The following CALD1 variants were observed in gnomAD, a reference collection of about 807,000 sequenced individuals.
CALD1 encodes the protein caldesmon.
A neutral mutation model predicts 99.9 loss-of-function variants in CALD1; 33 were observed. The observed-to-expected ratio is 0.33, with a 90% CI of 0.25 to 0.44. CALD1 has a LOEUF of 0.44. Among genes scored for constraint, CALD1 ranks in the 20% least tolerant of loss-of-function variants. CALD1 has a pLI of 1.00. For missense variants in CALD1, 861 were observed against 962.1 expected (o/e 0.89, Z 1.39); for synonymous variants, 310 against 325.0 (o/e 0.95, Z 0.50).
intron 4 of CALD1, 33 bp downstream of exon 4, chr7:134,928,933 C>A: frequency 6.3e-7 from 1 of 1,578,052 alleles, no homozygotes; most frequent in Non-Finnish European, 8.6e-7. Flanking sequence ...GAGTTTCTAA[C>A]TTGCGTCTTA....
intron 1 of CALD1, among the ~76,000 whole-genome samples, chr7:134,781,934 C>T (rs1797121142): frequency 6.6e-6 from 1 of 152,204 alleles, no homozygotes; most frequent in Admixed American, 6.5e-5. Context: ...GAATCATTAA[C>T]AATTCTAATT....
At chr7:134,945,430 T>C (rs560091210) in intron 7 of CALD1, among the ~76,000 whole-genome samples, 22 of 152,354 alleles carry the variant, frequency 1.4e-4, no homozygotes, top group Admixed American at 1.3e-3. Flanking sequence ...ACAAAACGTA[T>C]TTAATTTCAG....
chr7:134,813,590 G>A (rs1798443450), intron 1 of CALD1, among the ~76,000 whole-genome samples: 1 of 152,184 alleles, frequency 6.6e-6, no homozygotes, highest in African/African-American at 2.4e-5. Flanking sequence ...GTAGAAGCCT[G>A]TGATGCTCTT....
In CALD1 at chr7:134,903,993, C is replaced by T. The variant is rs1320682067; in HGVS notation, c.72-24761C>T. Among the ~76,000 whole-genome samples, 4 of 151,878 alleles carry T rather than the reference C, an allele frequency of 2.6e-5. No homozygotes were observed. The East Asian group carries it at 7.7e-4, about 29-fold the overall frequency. ...ATCCTAGCACTTTGGGAGTCTGAGG[C>T]AGGCGGATCACCTGAGATCAGGAGT... On this transcript the variant is annotated intron_variant, in intron 3 of 14. Transcript: ENST00000361675.
At chr7:134,908,084 T>C (rs1319224296) in intron 3 of CALD1, among the ~76,000 whole-genome samples, 1 of 152,210 alleles carries the variant, frequency 6.6e-6, no homozygotes, top group Non-Finnish European at 1.5e-5. Flanking sequence ...TGACACAGTT[T>C]ATCTATGTTG....
At position 134,950,570 on chromosome 7, in the gene CALD1, C is replaced by T. The variant is rs527852174; in HGVS notation, c.1935+56C>T. 10 of 1,441,672 alleles carry T rather than the reference C, an allele frequency of 6.9e-6. No homozygotes were observed. The African/African-American group carries it at 1.3e-4, about 18-fold the overall frequency. The allele number at this position is 1,441,672 out of a possible 1,614,324, so 89.3% of individuals were successfully genotyped here. The stretch of plus-strand genomic sequence containing the variant: ...AATATGATAGAGACTGGATTTTAGC[C>T]CCTTGTTTAGTTATTGATTATACAG... On this transcript the variant is annotated intron_variant, in intron 9 of 14. Coordinates refer to ENST00000361675, the MANE Select transcript of CALD1 (RefSeq NM_033138.4).
In CALD1 at chr7:134,797,018, TTTTTTTTC is replaced by T. The variant is rs151086137; in HGVS notation, c.-130+17285_-130+17292del. 5.9e-3 allele frequency among the ~76,000 whole-genome samples: 905 copies of T among 152,232 alleles called. 14 individuals are homozygous for T. Among genetic ancestry groups the T allele is most frequent in the African/African-American group, 0.02 (851 of 41,556 alleles). ...CTTTTCCTCTAATGTAGTAAGAATTTTTTTTTTCTTTTTTTCTTTTTTTTGAGAAAAAG... is the reference window on the plus strand; with the variant it reads ...CTTTTCCTCTAATGTAGTAAGAATTTTTTTTTTCTTTTTTTTGAGAAAAAG... On this transcript the variant is annotated intron_variant, in intron 1 of 14. Transcript: ENST00000361675.
intron 2 of CALD1, among the ~76,000 whole-genome samples, chr7:134,857,793 A>G (rs964102169): frequency 2.6e-5 from 4 of 152,156 alleles, no homozygotes; most frequent in African/African-American, 7.2e-5. Flanking sequence ...TACAGTAAAC[A>G]CACTTGATGA....
intron 3 of CALD1, among the ~76,000 whole-genome samples, chr7:134,869,312 A>G (rs1800953136): frequency 6.6e-6 from 1 of 152,246 alleles, no homozygotes; most frequent in African/African-American, 2.4e-5. Context: ...TTGGACTGGT[A>G]TATCTTGGCT....
At chr7:134,919,193 C>T (rs1030705857) in intron 3 of CALD1, among the ~76,000 whole-genome samples, 2 of 152,098 alleles carry the variant, frequency 1.3e-5, no homozygotes, top group Non-Finnish European at 2.9e-5. Flanking sequence ...CTTGGGGATC[C>T]GCCTGCCCTG....
At chr7:134,797,308 A>G (rs1797783086) in intron 1 of CALD1, among the ~76,000 whole-genome samples, 1 of 152,224 alleles carries the variant, frequency 6.6e-6, no homozygotes. Flanking sequence ...TAAAAGCTTT[A>G]TCTGAAACCA....
In CALD1 at chr7:134,958,310, T is replaced by C; in HGVS notation, c.2061+20T>C. ...ATTGAGGTGAGAATTGTCCTCAGCG[T>C]TATGGTCCTGCTGAACAGAAATAGA... is the stretch of plus-strand genomic sequence containing the variant. On this transcript the variant is annotated intron_variant, in intron 11 of 14. Coordinates refer to ENST00000361675, the MANE Select transcript of CALD1 (RefSeq NM_033138.4). 10 of 1,580,574 alleles carry C rather than the reference T, an allele frequency of 6.3e-6. No individual in the cohort carries two copies. Among genetic ancestry groups the C allele is most frequent in the Non-Finnish European group, 6.1e-6 (7 of 1,149,578 alleles).
intron 9 of CALD1, among the ~76,000 whole-genome samples, chr7:134,955,996 A>G (rs1373170086): frequency 6.6e-6 from 1 of 152,124 alleles, no homozygotes; most frequent in African/African-American, 2.4e-5. Context: ...CACCTTACTC[A>G]CCTGGGAATT....
chr7:134,809,868 T>C (rs2131912553), intron 1 of CALD1, among the ~76,000 whole-genome samples: 1 of 152,268 alleles, frequency 6.6e-6, no homozygotes, highest in East Asian at 1.9e-4. Flanking sequence ...ATATTTTCAT[T>C]GCTAGAAAAA....
intron 2 of CALD1, among the ~76,000 whole-genome samples, chr7:134,852,292 C>T (rs1374051908): frequency 6.7e-6 from 1 of 150,364 alleles, no homozygotes; most frequent in East Asian, 2.0e-4. Context: ...GACAAAGGCC[C>T]AGAGGCAGAA....
At chr7:134,792,205 C>G (rs559955220) in intron 1 of CALD1, among the ~76,000 whole-genome samples, 3 of 152,020 alleles carry the variant, frequency 2.0e-5, no homozygotes, top group South Asian at 4.2e-4. Flanking sequence ...TTCCAGCCCT[C>G]TCTGTTTCAC....
chr7:134,914,348 C>T (rs2132730878), intron 3 of CALD1, among the ~76,000 whole-genome samples: 1 of 152,296 alleles, frequency 6.6e-6, no homozygotes, highest in Middle Eastern at 3.4e-3. Context: ...CAACTGAAGT[C>T]TCCTCTTGCA....
chr7:134,852,358 T>C (rs1016478119), intron 2 of CALD1, among the ~76,000 whole-genome samples: 7 of 148,228 alleles, frequency 4.7e-5, no homozygotes, highest in African/African-American at 1.5e-4. Flanking sequence ...AAGTTGTGTT[T>C]GCATGGGAGG....
intron 2 of CALD1, among the ~76,000 whole-genome samples, chr7:134,855,017 G>C (rs1332296325): frequency 6.6e-6 from 1 of 152,188 alleles, no homozygotes; most frequent in African/African-American, 2.4e-5. Context: ...GCCATGTCAG[G>C]CATGCCTGCT....
Sources: allele counts gnomAD v4.1 joint callset (sites outside exome capture counted in the v4.1 genomes callset), GRCh38; gene constraint gnomAD v4.1.1; transcripts MANE v1.5; gene names NCBI Gene and HGNC (gene_info 2026-07-23, HGNC 2026-07-21).